Variants in LINGO2 observed in about 807,000 individuals in gnomAD.
LINGO2 encodes leucine-rich repeat and immunoglobulin-like domain-containing nogo receptor-interacting protein 2.
LINGO2 carries 14 observed loss-of-function variants against 30.6 expected under a neutral mutation model. The ratio of observed to expected loss-of-function variants is 0.46; its 90% CI spans 0.30 to 0.72. The LOEUF is 0.72. Ranked by LOEUF, LINGO2 falls within the 30% of genes least tolerant of loss-of-function variation. LINGO2 has a pLI of 0.07. For synonymous variants in LINGO2, 317 were observed against 288.5 expected, an observed-to-expected ratio of 1.10 and a Z score of -1.00; for missense variants, 729 against 751.7, an observed-to-expected ratio of 0.97 and a Z score of 0.35.
chr9:27,949,500 C>T (rs1823521088), exon 6 of LINGO2: 2 of 1,613,940 alleles, frequency 1.2e-6, no homozygotes, highest in Admixed American at 1.7e-5. Flanking sequence ...CTTGAAAGAC[C>T]TCTCACGGAT....
At chr9:28,022,942 C>CA (rs930234232) in intron 4 of LINGO2, among the ~76,000 whole-genome samples, 5 of 151,892 alleles carry the variant, frequency 3.3e-5, no homozygotes, top group African/African-American at 9.7e-5. Context: ...TTTCTTTTCT[C>CA]AGCTGTGTCT....
At chr9:29,117,824 C>T in the LINGO2 span, among the ~76,000 whole-genome samples, 1 of 152,282 alleles carries the variant, frequency 6.6e-6, no homozygotes, top group Non-Finnish European at 1.5e-5. Flanking sequence ...TGTACTTTAT[C>T]GAGTTTGTTC....
chr9:29,020,116 A>C, the LINGO2 span, among the ~76,000 whole-genome samples: 1 of 152,190 alleles, frequency 6.6e-6, no homozygotes, highest in Non-Finnish European at 1.5e-5. Context: ...AATTCCACTT[A>C]CACCTGAATG....
the LINGO2 span, among the ~76,000 whole-genome samples, chr9:29,056,936 C>T: frequency 1.4e-4 from 21 of 152,114 alleles, no homozygotes; most frequent in Non-Finnish European, 2.8e-4. Context: ...TATTCTGTTC[C>T]GTTGGTCTAT....
At chr9:28,735,487 T>C in the LINGO2 span, among the ~76,000 whole-genome samples, 1 of 152,290 alleles carries the variant, frequency 6.6e-6, no homozygotes, top group African/African-American at 2.4e-5. Context: ...CTTATAAATA[T>C]GCCCATTTGG....
intron 4 of LINGO2, among the ~76,000 whole-genome samples, chr9:28,026,664 T>C (rs1823390225): frequency 6.6e-6 from 1 of 152,186 alleles, no homozygotes; most frequent in Admixed American, 6.5e-5. Flanking sequence ...AGTCAGTCAA[T>C]ACATCTTACT....
intron 1 of LINGO2, among the ~76,000 whole-genome samples, chr9:28,576,406 G>C (rs535323430): frequency 2.3e-5 from 3 of 132,742 alleles, no homozygotes; most frequent in African/African-American, 9.6e-5. Context: ...CAAGGATTGC[G>C]TGTGTGTGTG....
intron 1 of LINGO2, among the ~76,000 whole-genome samples, chr9:28,586,031 G>A (rs199591663): frequency 2.0e-5 from 3 of 149,822 alleles, no homozygotes; most frequent in Non-Finnish European, 3.0e-5. Context: ...CATTAATTTT[G>A]TTTTTTTTTG....
At chr9:28,678,575 A>C in the LINGO2 span, among the ~76,000 whole-genome samples, 1 of 152,106 alleles carries the variant, frequency 6.6e-6, no homozygotes, top group Non-Finnish European at 1.5e-5. Context: ...GAAAGCTGTA[A>C]TCCTTGTTAT....
chr9:28,547,638 C>T (rs1822019766), intron 1 of LINGO2, among the ~76,000 whole-genome samples: 1 of 151,994 alleles, frequency 6.6e-6, no homozygotes, highest in African/African-American at 2.4e-5. Flanking sequence ...AATAGGCAAA[C>T]GATTTACAAG....
chr9:28,796,455 C>G, the LINGO2 span, among the ~76,000 whole-genome samples: 1 of 151,970 alleles, frequency 6.6e-6, no homozygotes, highest in Non-Finnish European at 1.5e-5. Flanking sequence ...TGGTCTGATA[C>G]CACAACATAT....
the LINGO2 span, among the ~76,000 whole-genome samples, chr9:29,139,882 A>T: frequency 6.6e-6 from 1 of 152,128 alleles, no homozygotes; most frequent in Admixed American, 6.6e-5. Flanking sequence ...ACTGAGAACA[A>T]AAAAGCTGAG....
chr9:28,697,728 A>G, the LINGO2 span, among the ~76,000 whole-genome samples: 1 of 152,028 alleles, frequency 6.6e-6, no homozygotes, highest in Non-Finnish European at 1.5e-5. Flanking sequence ...AACTCTTGCT[A>G]TGCTTTTTGT....
chr9:28,344,243 G>A (rs182777444), intron 3 of LINGO2, among the ~76,000 whole-genome samples: 1 of 152,118 alleles, frequency 6.6e-6, no homozygotes, highest in East Asian at 1.9e-4. Flanking sequence ...GAATGAGGAG[G>A]CAGAAAAATC....
rs141085228 is a variant in LINGO2 at position 28,286,320 on chromosome 9, C to A, written c.-87+8888G>T. Reference sequence around the variant, plus strand: ...AAAGTCAAAAAATAACAGATGCTGGCAAGGTTGTGGAGAAAAAGGAATGCT... The same window carrying A: ...AAAGTCAAAAAATAACAGATGCTGGAAAGGTTGTGGAGAAAAAGGAATGCT... On this transcript the variant is annotated intron_variant, in intron 4 of 5. Transcript: ENST00000379992. Among the ~76,000 whole-genome samples the A allele has an allele frequency of 1.8e-3, 278 of 152,124 alleles. 3 individuals are homozygous for A. Among genetic ancestry groups the A allele is most frequent in the African/African-American group, 6.0e-3 (247 of 41,510 alleles).
chr9:28,386,205 A>T (rs1462171795), intron 2 of LINGO2, among the ~76,000 whole-genome samples: 2 of 152,176 alleles, frequency 1.3e-5, no homozygotes, highest in Non-Finnish European at 2.9e-5. Flanking sequence ...GAGATCAAGA[A>T]CTACCCCTTT....
chr9:28,201,522 A>G (rs1277787883), intron 4 of LINGO2, among the ~76,000 whole-genome samples: 1 of 150,430 alleles, frequency 6.6e-6, no homozygotes, highest in African/African-American at 2.5e-5. Flanking sequence ...TATTGTGAAT[A>G]ATGCTGCAAT....
At chr9:28,188,379 T>C (rs1819619115) in intron 4 of LINGO2, among the ~76,000 whole-genome samples, 1 of 152,160 alleles carries the variant, frequency 6.6e-6, no homozygotes, top group South Asian at 2.1e-4. Flanking sequence ...GACTTGCACA[T>C]TTATAAATAG....
the LINGO2 span, among the ~76,000 whole-genome samples, chr9:28,900,881 A>C: frequency 1.3e-5 from 2 of 152,192 alleles, no homozygotes. Context: ...TGGTTTAAGG[A>C]GTTCAGGAAA....
Sources: gnomAD v4.1 joint callset for allele counts (sites outside exome capture counted in the v4.1 genomes callset) on GRCh38, gnomAD v4.1.1 for gene constraint, MANE v1.5 for transcripts, NCBI Gene and HGNC (gene_info 2026-07-23, HGNC 2026-07-21) for gene names.